Variants in NHEJ1 observed in about 807,000 individuals in gnomAD.
NHEJ1 encodes the protein non-homologous end-joining factor 1.
Under a neutral mutation model 39.4 loss-of-function variants are expected in NHEJ1, and 22 were observed. That is an observed-to-expected ratio of 0.56 (90% confidence interval 0.40 to 0.80). The LOEUF is 0.80. NHEJ1 is among the 30% of genes least tolerant of loss of function. NHEJ1 has a pLI of 0.00. For missense variants in NHEJ1, 329 were observed against 357.1 expected, an observed-to-expected ratio of 0.92 and a Z score of 0.63; for synonymous variants, 154 against 135.6, an observed-to-expected ratio of 1.14 and a Z score of -0.94.
chr2:219,116,418 G>A (rs532809357), intron 5 of NHEJ1, among the ~76,000 whole-genome samples: 6 of 152,026 alleles, frequency 3.9e-5, no homozygotes, highest in East Asian at 1.9e-4. Flanking sequence ...GTGCAGTGAC[G>A]TGAACACAGC....
In NHEJ1 at chr2:219,101,790, A is replaced by G. The variant is rs372636034; in HGVS notation, c.589-23584T>C. Among the ~76,000 whole-genome samples, 238 of 145,876 alleles carry G rather than the reference A, an allele frequency of 1.6e-3. 2 individuals carry two copies. Among genetic ancestry groups the G allele is most frequent in the African/African-American group, 5.9e-3 (229 of 39,060 alleles). ...TGGCAGGCTGGAGTGCAGTGGCGCG[A>G]TCTCAGCTCACCGCAACTTCTGCCT... On this transcript the variant is annotated intron_variant, in intron 5 of 7. Coordinates refer to ENST00000356853, the MANE Select transcript of NHEJ1 (RefSeq NM_024782.3).
chr2:219,130,672 G>C (rs1026609639), intron 5 of NHEJ1, among the ~76,000 whole-genome samples: 5 of 152,186 alleles, frequency 3.3e-5, no homozygotes, highest in African/African-American at 1.2e-4. Flanking sequence ...TTGAAGGGAA[G>C]ATTTTTCTGT....
At position 219,090,723 on chromosome 2, in the gene NHEJ1, A is replaced by C. The variant is rs1261609822; in HGVS notation, c.589-12517T>G. Among the ~76,000 whole-genome samples, 5 of 152,342 alleles carry C rather than the reference A, an allele frequency of 3.3e-5. 1 individual carries two copies. The highest frequency in any genetic ancestry group is 3.3e-4 in the Admixed American group (5 of 15,306). On this transcript the variant is annotated intron_variant, in intron 5 of 7. Coordinates refer to ENST00000356853, the MANE Select transcript of NHEJ1 (RefSeq NM_024782.3). The stretch of plus-strand genomic sequence containing the variant: ...GTTAACAGACTAACCGTGAATCAAC[A>C]GTAGGCCCTTCTTTTCCCACAAATA...
chr2:219,087,017 G>C (rs961181926), intron 5 of NHEJ1, among the ~76,000 whole-genome samples: 17 of 151,998 alleles, frequency 1.1e-4, no homozygotes, highest in African/African-American at 4.1e-4. Flanking sequence ...GTGGTTTCCT[G>C]GGGGGGACGG....
intron 5 of NHEJ1, among the ~76,000 whole-genome samples, chr2:219,106,925 T>G (rs1448123866): frequency 6.6e-6 from 1 of 152,206 alleles, no homozygotes; most frequent in Non-Finnish European, 1.5e-5. Flanking sequence ...AAACTGGCAT[T>G]TGCTGAAAAA....
At chr2:219,105,292 T>C (rs1261762101) in intron 5 of NHEJ1, among the ~76,000 whole-genome samples, 1 of 152,194 alleles carries the variant, frequency 6.6e-6, no homozygotes, top group Non-Finnish European at 1.5e-5. Flanking sequence ...TCAAAGATAT[T>C]TCTAAGAAGA....
chr2:219,103,050 G>A (rs1229068862), intron 5 of NHEJ1, among the ~76,000 whole-genome samples: 2 of 146,974 alleles, frequency 1.4e-5, no homozygotes, highest in African/African-American at 2.5e-5. Flanking sequence ...GCGTGGTGGT[G>A]GGTGCCTGTA....
chr2:219,157,880 A>G (rs1574749731), intron 2 of NHEJ1, among the ~76,000 whole-genome samples, 196 bp from the exon 3 acceptor site: 1 of 152,138 alleles, frequency 6.6e-6, no homozygotes, highest in Non-Finnish European at 1.5e-5. Context: ...CTACTTCACA[A>G]TTCTGCCTTG....
intron 5 of NHEJ1, among the ~76,000 whole-genome samples, chr2:219,126,464 A>T (rs916859305): frequency 2.0e-5 from 3 of 152,240 alleles, no homozygotes; most frequent in African/African-American, 7.2e-5. Flanking sequence ...TGAGTAGGTG[A>T]TCAATATATT....
chr2:219,117,767 G>A (rs190864441), intron 5 of NHEJ1, among the ~76,000 whole-genome samples: 3 of 152,256 alleles, frequency 2.0e-5, no homozygotes, highest in East Asian at 1.9e-4. Context: ...TGCGACTTTG[G>A]ACAACTCATA....
intron 3 of NHEJ1, among the ~76,000 whole-genome samples, chr2:219,157,210 A>T (rs1264018763): frequency 6.6e-6 from 1 of 152,218 alleles, no homozygotes. Context: ...TTAGGTCTGG[A>T]TAACCAACAA....
chr2:219,115,664 T>C (rs1361791015), intron 5 of NHEJ1, among the ~76,000 whole-genome samples: 1 of 152,238 alleles, frequency 6.6e-6, no homozygotes, highest in African/African-American at 2.4e-5. Context: ...AGCCACTGTA[T>C]ACACATGCAC....
At chr2:219,116,958 C>T (rs1396957428) in intron 5 of NHEJ1, among the ~76,000 whole-genome samples, 1 of 152,030 alleles carries the variant, frequency 6.6e-6, no homozygotes, top group African/African-American at 2.4e-5. Flanking sequence ...GTGAATAGAG[C>T]CAACAGAAAG....
intron 1 of NHEJ1, among the ~76,000 whole-genome samples, chr2:219,159,554 T>TATATATGCATATATATATGC (rs1553549828): frequency 3.6e-5 from 2 of 56,324 alleles, no homozygotes; most frequent in African/African-American, 5.2e-5. Flanking sequence ...TATATATGCA[T>TATATATGCATATATATATGC]ATATATATGC....
At chr2:219,139,461 T>C (rs541674088) in intron 5 of NHEJ1, among the ~76,000 whole-genome samples, 3 of 152,066 alleles carry the variant, frequency 2.0e-5, no homozygotes, top group Non-Finnish European at 2.9e-5. Flanking sequence ...ACAGGCCACA[T>C]AGCAAGAAAT....
At chr2:219,108,770 A>G (rs1949336415) in intron 5 of NHEJ1, among the ~76,000 whole-genome samples, 1 of 151,944 alleles carries the variant, frequency 6.6e-6, no homozygotes, top group South Asian at 2.1e-4. Context: ...ATGGGCAATG[A>G]CCCTTTTTTG....
At chr2:219,091,826 T>C (rs1949162689) in intron 5 of NHEJ1, among the ~76,000 whole-genome samples, 1 of 151,784 alleles carries the variant, frequency 6.6e-6, no homozygotes, top group Admixed American at 6.6e-5. Flanking sequence ...GAAGTATGTG[T>C]GTATATATGA....
Position 219,134,972 on chromosome 2 carries a change from G to A in NHEJ1, c.588+11708C>T, listed in dbSNP as rs557162528. Among the ~76,000 whole-genome samples the A allele has an allele frequency of 1.3e-4, 19 of 148,448 alleles. 1 individual carries two copies. In the South Asian group the frequency reaches 1.7e-3, roughly 13 times the overall value. ...GGAGAATTGCTTGAAACCAGAAGGC[G>A]GAGGTTGCAGTGAGCCGAGATCGTG... On this transcript the variant is annotated intron_variant, in intron 5 of 7. Coordinates refer to ENST00000356853, the MANE Select transcript of NHEJ1 (RefSeq NM_024782.3).
intron 7 of NHEJ1, among the ~76,000 whole-genome samples, chr2:219,076,788 GC>G (rs1172365381): frequency 1.9e-4 from 29 of 152,102 alleles, no homozygotes; most frequent in Admixed American, 1.9e-3. Context: ...TGATCCTCCT[GC>G]CTTGGCCTCC....
Sources: allele counts gnomAD v4.1 joint callset (sites outside exome capture counted in the v4.1 genomes callset), GRCh38; gene constraint gnomAD v4.1.1; transcripts MANE v1.5; gene names NCBI Gene and HGNC (gene_info 2026-07-23, HGNC 2026-07-21).